The following CR1L variants were observed in gnomAD, a reference collection of about 807,000 sequenced individuals.
CR1L encodes the protein complement C3b/C4b receptor 1 like, also known as complement component receptor 1-like protein.
A neutral mutation model predicts 62.3 loss-of-function variants in CR1L; 59 were observed. The observed-to-expected ratio is 0.95, with a 90% CI of 0.77 to 1.18. The LOEUF (loss-of-function observed/expected upper bound fraction) is 1.18, where lower values mean the gene tolerates loss of function less well. CR1L is among the 50% of genes most tolerant of loss of function. The pLI, the probability that CR1L is intolerant of heterozygous loss-of-function variation, is 0.00. For missense variants in CR1L, 700 were observed against 702.8 expected, an observed-to-expected ratio of 1.00 and a Z score of 0.04; for synonymous variants, 279 against 248.7, an observed-to-expected ratio of 1.12 and a Z score of -1.15.
chr1:207,672,048 A>G (rs1432576243), intron 1 of CR1L, among the ~76,000 whole-genome samples: 2 of 151,156 alleles, frequency 1.3e-5, no homozygotes, highest in Non-Finnish European at 2.9e-5. Flanking sequence ...ATCAACCATC[A>G]TTTTGAGTGT....
In CR1L at chr1:207,673,514, G is replaced by A. The variant is rs530755447; in HGVS notation, c.98-3875G>A. 2.0e-5 allele frequency among the ~76,000 whole-genome samples: 3 copies of A among 152,202 alleles called. No homozygotes were observed. In the South Asian group the frequency reaches 6.2e-4, roughly 31 times the overall value. ...ACATGAAAGTGATGATGTGTTAATT[G>A]TGCGTATAGCACAGAATAAATCAGC... On this transcript the variant is annotated intron_variant, in intron 1 of 11. Coordinates refer to ENST00000508064, the MANE Select transcript of CR1L (RefSeq NM_175710.2).
chr1:207,663,882 G>C (rs1663468313), intron 1 of CR1L, among the ~76,000 whole-genome samples: 1 of 152,186 alleles, frequency 6.6e-6, no homozygotes, highest in African/African-American at 2.4e-5. Context: ...GTCTTTTGAT[G>C]TAACACATTT....
chr1:207,650,025 T>C (rs547944386), intron 1 of CR1L, among the ~76,000 whole-genome samples: 1 of 152,198 alleles, frequency 6.6e-6, no homozygotes, highest in East Asian at 1.9e-4. Flanking sequence ...TGTGTGTATG[T>C]GTATGTGTGT....
intron 1 of CR1L, among the ~76,000 whole-genome samples, chr1:207,647,767 A>G (rs2102436166): frequency 6.6e-6 from 1 of 152,280 alleles, no homozygotes; most frequent in East Asian, 1.9e-4. Flanking sequence ...GCCAGAAAGG[A>G]TCTGTCTCCC....
At chr1:207,652,712 C>G (rs1663240916) in intron 1 of CR1L, 11 of 896,342 alleles carry the variant, frequency 1.2e-5, no homozygotes, top group Non-Finnish European at 1.9e-5. Context: ...ACATGGCTAC[C>G]TGTCTCAGAT....
intron 10 of CR1L, among the ~76,000 whole-genome samples, chr1:207,711,793 T>C (rs1664361905): frequency 6.6e-6 from 1 of 151,414 alleles, no homozygotes; most frequent in East Asian, 1.9e-4. Context: ...TGAAATCTCA[T>C]GAGGCTGAGG....
intron 1 of CR1L, among the ~76,000 whole-genome samples, chr1:207,660,598 C>A (rs961280812): frequency 1.3e-5 from 2 of 152,166 alleles, no homozygotes; most frequent in African/African-American, 4.8e-5. Context: ...AAAACCAGCT[C>A]CTGGATCCAT....
chr1:207,683,450 C>G (rs545186114), intron 3 of CR1L, among the ~76,000 whole-genome samples: 5 of 152,008 alleles, frequency 3.3e-5, no homozygotes, highest in Admixed American at 2.6e-4. Flanking sequence ...TTAGATGAAT[C>G]TTACTGATAA....
At chr1:207,684,079 A>T in intron 4 of CR1L, 122 bp downstream of exon 4, 1 of 869,050 alleles carries the variant, frequency 1.2e-6, no homozygotes, top group Non-Finnish European at 1.7e-6. Flanking sequence ...GAAGACAGCC[A>T]TAATGTTCTC....
intron 1 of CR1L, among the ~76,000 whole-genome samples, chr1:207,657,949 A>C (rs1463524684): frequency 6.6e-6 from 1 of 152,226 alleles, no homozygotes; most frequent in African/African-American, 2.4e-5. Context: ...ACATTATCTG[A>C]TCACAACAGA....
chr1:207,657,197 C>T (rs1334981355), intron 1 of CR1L: 4 of 1,152,312 alleles, frequency 3.5e-6, no homozygotes, highest in Non-Finnish European at 5.3e-6. Context: ...ATTTGAGTAT[C>T]TTAATGCAGT....
intron 1 of CR1L, among the ~76,000 whole-genome samples, chr1:207,670,375 G>A (rs1356079274): frequency 7.3e-5 from 11 of 151,316 alleles, no homozygotes; most frequent in Non-Finnish European, 1.5e-5. Flanking sequence ...TTAGTGATGT[G>A]TTTAGTACAA....
At chr1:207,721,654 G>A (rs546005762) in intron 11 of CR1L, among the ~76,000 whole-genome samples, 185 of 148,736 alleles carry the variant, frequency 1.2e-3, no homozygotes, top group African/African-American at 4.3e-3. Flanking sequence ...ATAAACATAC[G>A]TGTGCATGTG....
chr1:207,708,115 G>T, intron 9 of CR1L, 63 bp from the exon 10 acceptor site: 1 of 1,572,982 alleles, frequency 6.4e-7, no homozygotes, highest in South Asian at 1.1e-5. Flanking sequence ...TGCCACATAT[G>T]CATGCTGTCA....
At chr1:207,689,689 A>C (rs1663967425) in intron 4 of CR1L, among the ~76,000 whole-genome samples, 1 of 151,924 alleles carries the variant, frequency 6.6e-6, no homozygotes, top group Non-Finnish European at 1.5e-5. Context: ...CATTAATATT[A>C]TTTTTCCTTA....
At chr1:207,677,307 C>CAAAAAAAAAAAAAAAAA (rs57151160) in intron 1 of CR1L, 82 bp from the exon 2 acceptor site, 1 of 460,606 alleles carries the variant, frequency 2.2e-6, no homozygotes, top group Non-Finnish European at 3.0e-6. Flanking sequence ...GACTCTGTCA[C>CAAAAAAAAAAAAAAAAA]AAAAAAAAAA....
At chr1:207,710,082 C>G (rs1320405872) in intron 10 of CR1L, among the ~76,000 whole-genome samples, 2 of 152,088 alleles carry the variant, frequency 1.3e-5, no homozygotes, top group Non-Finnish European at 2.9e-5. Flanking sequence ...CGATGGCTCA[C>G]GCCTGTAATC....
intron 1 of CR1L, among the ~76,000 whole-genome samples, chr1:207,656,306 AT>A (rs1449557078): frequency 6.6e-6 from 1 of 152,160 alleles, no homozygotes; most frequent in Admixed American, 6.5e-5. Flanking sequence ...AAAAGACAAT[AT>A]TTTGGTGGTA....
At chr1:207,660,439 C>T (rs900868329) in intron 1 of CR1L, among the ~76,000 whole-genome samples, 1 of 152,236 alleles carries the variant, frequency 6.6e-6, no homozygotes, top group Non-Finnish European at 1.5e-5. Context: ...GCTGAGGGAC[C>T]TGTCTGTTAG....
Sources: allele counts gnomAD v4.1 joint callset (sites outside exome capture counted in the v4.1 genomes callset), GRCh38; gene constraint gnomAD v4.1.1; transcripts MANE v1.5; gene names NCBI Gene and HGNC (gene_info 2026-07-23, HGNC 2026-07-21).